Variants in AFAP1L2 observed in about 807,000 individuals in gnomAD.
AFAP1L2 encodes actin filament-associated protein 1-like 2.
In AFAP1L2, 46 loss-of-function variants were observed where a neutral mutation model predicts 99.3. That is an observed-to-expected ratio of 0.46 (90% CI 0.37 to 0.59). The LOEUF is 0.59. Among genes scored for constraint, AFAP1L2 ranks in the 20% least tolerant of loss-of-function variants. AFAP1L2 has a pLI of 0.00. For synonymous variants in AFAP1L2, 397 were observed against 419.1 expected, an observed-to-expected ratio of 0.95 and a Z score of 0.64; for missense variants, 959 against 1,034.9, an observed-to-expected ratio of 0.93 and a Z score of 1.01.
intron 8 of AFAP1L2, among the ~76,000 whole-genome samples, chr10:114,309,227 G>A (rs2042854184): frequency 6.6e-6 from 1 of 152,230 alleles, no homozygotes; most frequent in African/African-American, 2.4e-5. Context: ...AGCACTGCAT[G>A]CCGAGTCTTT....
chr10:114,385,395 T>A (rs752116001), intron 1 of AFAP1L2, among the ~76,000 whole-genome samples: 1 of 152,154 alleles, frequency 6.6e-6, no homozygotes, highest in African/African-American at 2.4e-5. Context: ...GGACTTGACA[T>A]CCTGGTTAAC....
At chr10:114,365,185 G>A (rs983605021) in intron 1 of AFAP1L2, among the ~76,000 whole-genome samples, 2 of 152,086 alleles carry the variant, frequency 1.3e-5, no homozygotes, top group African/African-American at 2.4e-5. Context: ...ACTTCCCCTG[G>A]CCCAGAAGTG....
chr10:114,285,888 G>T, the AFAP1L2 span: 1 of 1,510,028 alleles, frequency 6.6e-7, no homozygotes, highest in Non-Finnish European at 8.9e-7. Context: ...GGGACAGCTC[G>T]CATGCCGCAT....
intron 1 of AFAP1L2, among the ~76,000 whole-genome samples, chr10:114,345,349 T>A (rs1017322238): frequency 1.3e-5 from 2 of 151,778 alleles, no homozygotes; most frequent in African/African-American, 2.4e-5. Flanking sequence ...TGCAGGGTCA[T>A]GCAAGGCTGT....
intron 1 of AFAP1L2, among the ~76,000 whole-genome samples, chr10:114,393,981 CTT>C (rs1345133432): frequency 1.3e-5 from 2 of 152,198 alleles, no homozygotes; most frequent in African/African-American, 4.8e-5. Flanking sequence ...TTCCAGGAGA[CTT>C]GGGATGGCGG....
chr10:114,401,553 T>C (rs531628042), intron 1 of AFAP1L2, among the ~76,000 whole-genome samples: 2 of 152,318 alleles, frequency 1.3e-5, no homozygotes, highest in South Asian at 2.1e-4. Context: ...ATACAAGACA[T>C]AGCCATTTTA....
Position 114,295,620 on chromosome 10 carries a change from A to G in AFAP1L2, c.*422T>C. On this transcript the variant is annotated 3_prime_UTR_variant, in exon 19 of 19. Transcript: ENST00000304129. Reference sequence around the variant, plus strand: ...ACTGCTAAGTATTGGATAAGAGATGATGGCCAGGAGTTTAGGTCTTCTCAC... The same window carrying G: ...ACTGCTAAGTATTGGATAAGAGATGGTGGCCAGGAGTTTAGGTCTTCTCAC... The G allele has an allele frequency of 2.0e-6, 2 of 997,674 alleles. No individual in the cohort carries two copies. The highest frequency in any genetic ancestry group is 4.5e-5 in the South Asian group (1 of 22,254). 61.8% of individuals were successfully genotyped at this position (997,674 alleles called of 1,614,324 possible).
intron 1 of AFAP1L2, among the ~76,000 whole-genome samples, chr10:114,381,899 CAT>C (rs1445236448): frequency 2.0e-5 from 3 of 151,876 alleles, no homozygotes; most frequent in Admixed American, 6.6e-5. Flanking sequence ...AGCTCTTAAA[CAT>C]ATGGAAAGAT....
intron 1 of AFAP1L2, among the ~76,000 whole-genome samples, chr10:114,344,986 A>G (rs574096496): frequency 7.2e-5 from 11 of 151,760 alleles, no homozygotes; most frequent in African/African-American, 2.7e-4. Flanking sequence ...AATCCCAGCT[A>G]CCCGGGGGGC....
downstream of AFAP1L2, chr10:114,291,154 G>C (rs2039558593): frequency 6.5e-7 from 1 of 1,545,478 alleles, no homozygotes; most frequent in Admixed American, 2.0e-5. Context: ...GTCCTCAGAG[G>C]CTGCTGGAGG....
intron 1 of AFAP1L2, among the ~76,000 whole-genome samples, chr10:114,384,032 T>A (rs184275088): frequency 2.4e-4 from 36 of 152,256 alleles, no homozygotes; most frequent in African/African-American, 7.7e-4. Context: ...CCCTTGTCCA[T>A]CCAATGACAA....
At position 114,360,485 on chromosome 10, in the gene AFAP1L2, CTAGATAGATAGATAGATAGATAGT is replaced by C. The variant is rs1391099891; in HGVS notation, c.17-19778_17-19755del. Reference sequence around the variant, plus strand: ...GATAGATACCTCGATATCTCAATATCTAGATAGATAGATAGATAGATAGTTAGATAGATAGATAGATAGATAGAT... The same window carrying C: ...GATAGATACCTCGATATCTCAATATCTAGATAGATAGATAGATAGATAGAT... On this transcript the variant is annotated intron_variant, in intron 1 of 18. Transcript: ENST00000304129. Among the ~76,000 whole-genome samples the C allele has an allele frequency of 2.5e-3, 305 of 124,466 alleles. 1 individual carries two copies. The highest frequency in any genetic ancestry group is 5.4e-3 in the African/African-American group (195 of 36,428). 81.7% of individuals were successfully genotyped at this position (124,466 alleles called of 152,430 possible). A position where few individuals can be genotyped will look rare whatever the true frequency, so the allele number is the denominator to read the frequency against.
chr10:114,297,153 C>T, intron 17 of AFAP1L2, 53 bp from the exon 18 acceptor site: 1 of 1,600,060 alleles, frequency 6.2e-7, no homozygotes, highest in East Asian at 2.2e-5. Flanking sequence ...GAGATGTGAC[C>T]CACCCACCCC....
chr10:114,292,543 A>G (rs777516130), downstream of AFAP1L2, among the ~76,000 whole-genome samples: 15 of 150,858 alleles, frequency 9.9e-5, no homozygotes, highest in Non-Finnish European at 1.3e-4. Flanking sequence ...ATTTGTACCT[A>G]TGTGGCAAAG....
chr10:114,282,649 C>G, the AFAP1L2 span: 1 of 1,298,934 alleles, frequency 7.7e-7, no homozygotes, highest in East Asian at 2.3e-5. Context: ...CTTTTACAAT[C>G]CTGGGACAGA....
At chr10:114,379,811 G>A (rs2055354678) in intron 1 of AFAP1L2, among the ~76,000 whole-genome samples, 1 of 152,198 alleles carries the variant, frequency 6.6e-6, no homozygotes, top group Non-Finnish European at 1.5e-5. Context: ...AGTTAAGCAG[G>A]TCTTTTCCTT....
chr10:114,377,118 C>T lies in AFAP1L2; in HGVS notation c.16+27322G>A, dbSNP rs143722919. ...TCCTTTGGTCCATGGTTTACTAATT[C>T]ACACTCACCCATCTCCTTCCTAGTC... On this transcript the variant is annotated intron_variant, in intron 1 of 18. Coordinates refer to ENST00000304129, the MANE Select transcript of AFAP1L2 (RefSeq NM_001001936.3). The surrounding 1 kb of genome is among the most constrained non-coding windows in gnomAD (Gnocchi z 4.0). Among the ~76,000 whole-genome samples, 245 of 152,320 alleles carry T rather than the reference C, an allele frequency of 1.6e-3. 2 individuals are homozygous for T. Among genetic ancestry groups the T allele is most frequent in the African/African-American group, 5.5e-3 (227 of 41,572 alleles).
chr10:114,325,586 CGACACTGTACTGGGCTGACA>C (rs533923640), intron 4 of AFAP1L2, among the ~76,000 whole-genome samples: 130 of 152,300 alleles, frequency 8.5e-4, no homozygotes, highest in Admixed American at 1.6e-3. Context: ...TAAGCAAACC[CGACACTGTACTGGGCTGACA>C]GACGCACTGC....
chr10:114,376,852 C>A (rs576924894), intron 1 of AFAP1L2, among the ~76,000 whole-genome samples: 2 of 152,252 alleles, frequency 1.3e-5, no homozygotes, highest in South Asian at 4.1e-4. Flanking sequence ...ACCACCCAAA[C>A]AGAATCAGCT....
Sources: gnomAD v4.1 joint callset for allele counts (sites outside exome capture counted in the v4.1 genomes callset) on GRCh38, gnomAD v4.1.1 for gene constraint, Gnocchi (gnomAD v3.1) non-coding constraint, MANE v1.5 for transcripts, NCBI Gene and HGNC (gene_info 2026-07-23, HGNC 2026-07-21) for gene names.